Variants in RHBDD1 observed in about 807,000 individuals in gnomAD.
RHBDD1 encodes the protein rhomboid domain containing 1, also known as rhomboid-related protein 4.
In RHBDD1, 38 loss-of-function variants were observed where a neutral mutation model predicts 36.3. The ratio of observed to expected loss-of-function variants is 1.05; its 90% confidence interval spans 0.81 to 1.37. The LOEUF (loss-of-function observed/expected upper bound fraction) is 1.37. RHBDD1 is among the 40% of genes most tolerant of loss of function. The pLI is 0.00. For synonymous variants in RHBDD1, 151 were observed against 136.5 expected, an observed-to-expected ratio of 1.11 and a Z score of -0.74; for missense variants, 393 against 377.6, an observed-to-expected ratio of 1.04 and a Z score of -0.34.
intron 5 of RHBDD1, among the ~76,000 whole-genome samples, chr2:226,896,811 A>AT (rs1050596141): frequency 1.3e-4 from 20 of 150,480 alleles, no homozygotes; most frequent in Admixed American, 2.6e-4. Context: ...TATCTCAAAA[A>AT]TTTTTTTTTT....
chr2:226,848,341 A>G (rs574535464), intron 3 of RHBDD1, among the ~76,000 whole-genome samples: 2 of 152,330 alleles, frequency 1.3e-5, no homozygotes, highest in South Asian at 4.1e-4. Flanking sequence ...AACATGTGTA[A>G]TGGAAGTCAC....
intron 8 of RHBDD1, among the ~76,000 whole-genome samples, chr2:226,957,413 G>T (rs1951855209): frequency 6.6e-6 from 1 of 152,098 alleles, no homozygotes; most frequent in African/African-American, 2.4e-5. Flanking sequence ...GTGCTACAAA[G>T]GGTACTATCA....
In RHBDD1 at chr2:226,846,767, G is replaced by T. The variant is rs561082508; in HGVS notation, c.-91+7140G>T. ...CATCTCAAAAAAAAAAAAAAAAAAG[G>T]AAATGTAAGAGTAAAACATGGAGAA... On this transcript the variant is annotated intron_variant, in intron 3 of 8. Transcript: ENST00000392062. Among the ~76,000 whole-genome samples, 91 of 147,952 alleles carry T rather than the reference G, an allele frequency of 6.2e-4. 2 individuals are homozygous for T. The Middle Eastern group carries it at 0.025, about 41-fold the overall frequency.
At chr2:226,906,296 T>A (rs554414509) in intron 5 of RHBDD1, among the ~76,000 whole-genome samples, 10 of 152,222 alleles carry the variant, frequency 6.6e-5, no homozygotes, top group Non-Finnish European at 1.5e-4. Context: ...GGTGGGCATC[T>A]CAGTTCCTTT....
intron 3 of RHBDD1, among the ~76,000 whole-genome samples, chr2:226,847,615 T>G (rs1942360093): frequency 6.6e-6 from 1 of 152,202 alleles, no homozygotes; most frequent in Non-Finnish European, 1.5e-5. Context: ...CTGATGAGAT[T>G]TTGCATGAGA....
the RHBDD1 span, among the ~76,000 whole-genome samples, chr2:226,818,147 A>T: frequency 6.7e-6 from 1 of 148,574 alleles, no homozygotes; most frequent in Non-Finnish European, 1.5e-5. Flanking sequence ...AGTGGTCCAA[A>T]CAGTATTTTT....
chr2:226,885,393 T>C (rs1393467022), intron 5 of RHBDD1, among the ~76,000 whole-genome samples: 1 of 152,142 alleles, frequency 6.6e-6, no homozygotes, highest in Non-Finnish European at 1.5e-5. Flanking sequence ...TGTAATGATG[T>C]ATCAGAAAAT....
At chr2:226,960,207 G>A (rs981856679) in intron 8 of RHBDD1, among the ~76,000 whole-genome samples, 2 of 152,134 alleles carry the variant, frequency 1.3e-5, no homozygotes, top group Non-Finnish European at 2.9e-5. Flanking sequence ...TTGAGAGTTC[G>A]AGGTCCTCCC....
intron 5 of RHBDD1, among the ~76,000 whole-genome samples, chr2:226,884,879 G>C (rs1466098306): frequency 1.3e-5 from 2 of 151,950 alleles, no homozygotes; most frequent in Non-Finnish European, 2.9e-5. Flanking sequence ...AACAGTGAAC[G>C]TAATTTCAAA....
chr2:226,843,127 C>T (rs914522303), intron 3 of RHBDD1, among the ~76,000 whole-genome samples: 1 of 152,126 alleles, frequency 6.6e-6, no homozygotes, highest in African/African-American at 2.4e-5. Context: ...ATTTTGTATC[C>T]TGAGACTTTG....
intron 8 of RHBDD1, among the ~76,000 whole-genome samples, chr2:226,979,416 G>C (rs1955212481): frequency 6.6e-6 from 1 of 152,116 alleles, no homozygotes; most frequent in Non-Finnish European, 1.5e-5. Context: ...TGAATCCCAG[G>C]TCACCACCCA....
intron 3 of RHBDD1, among the ~76,000 whole-genome samples, chr2:226,863,038 C>CA (rs1047976499): frequency 3.9e-5 from 6 of 152,182 alleles, no homozygotes; most frequent in African/African-American, 1.4e-4. Context: ...GCTCTACTTC[C>CA]AATACTGGGG....
At chr2:226,831,956 G>A (rs1274962579), upstream of RHBDD1, among the ~76,000 whole-genome samples, 1 of 127,120 alleles carries the variant, frequency 7.9e-6, no homozygotes, top group Non-Finnish European at 1.6e-5. Context: ...TAATTTTACT[G>A]GTTTTTTTTT....
At chr2:226,811,620 C>T in the RHBDD1 span, among the ~76,000 whole-genome samples, 2 of 152,030 alleles carry the variant, frequency 1.3e-5, no homozygotes, top group South Asian at 2.1e-4. Context: ...GAATTGTTGC[C>T]GGACAATATT....
intron 8 of RHBDD1, among the ~76,000 whole-genome samples, chr2:226,979,521 C>G (rs1329716590): frequency 6.6e-6 from 1 of 152,104 alleles, no homozygotes; most frequent in Non-Finnish European, 1.5e-5. Context: ...GTTGGAGATT[C>G]TCTAGGAGCC....
intron 7 of RHBDD1, among the ~76,000 whole-genome samples, chr2:226,911,222 A>G (rs558209653): frequency 2.0e-5 from 3 of 152,280 alleles, no homozygotes; most frequent in African/African-American, 7.2e-5. Context: ...TTTTGAATTA[A>G]CTGAGCATTT....
At chr2:226,815,537 A>G in the RHBDD1 span, among the ~76,000 whole-genome samples, 1 of 152,332 alleles carries the variant, frequency 6.6e-6, no homozygotes, top group South Asian at 2.1e-4. Flanking sequence ...GTAATATAAA[A>G]GTATTTTAGA....
chr2:226,966,380 C>T (rs751660258), intron 8 of RHBDD1, among the ~76,000 whole-genome samples: 2 of 152,124 alleles, frequency 1.3e-5, no homozygotes, highest in East Asian at 1.9e-4. Context: ...TCCTCAGTAG[C>T]CCGAAAGCAA....
intron 8 of RHBDD1, among the ~76,000 whole-genome samples, chr2:226,958,499 A>C (rs1951938261): frequency 1.3e-5 from 2 of 152,224 alleles, no homozygotes; most frequent in Admixed American, 1.3e-4. Flanking sequence ...TGAATATCAT[A>C]AAAAGCATTG....
Sources: gnomAD v4.1 joint callset for allele counts (sites outside exome capture counted in the v4.1 genomes callset) on GRCh38, gnomAD v4.1.1 for gene constraint, MANE v1.5 for transcripts, NCBI Gene and HGNC (gene_info 2026-07-23, HGNC 2026-07-21) for gene names.